The following PRKCQ variants were observed in gnomAD, a reference collection of about 807,000 sequenced individuals.
PRKCQ encodes the protein protein kinase C theta.
In PRKCQ, 41 loss-of-function variants were observed where a neutral mutation model predicts 91.2. The observed-to-expected ratio is 0.45, with a 90% CI of 0.35 to 0.58. PRKCQ has a LOEUF of 0.58. Among genes scored for constraint, PRKCQ ranks in the 20% least tolerant of loss-of-function variants. The probability of loss-of-function intolerance (pLI) is 0.00; values close to 1 mark genes in which losing one functional copy is unlikely to be tolerated. For missense variants in PRKCQ, 673 were observed against 896.5 expected, an observed-to-expected ratio of 0.75 and a Z score of 3.18; for synonymous variants, 307 against 316.9, an observed-to-expected ratio of 0.97 and a Z score of 0.33.
intron 1 of PRKCQ, among the ~76,000 whole-genome samples, chr10:6,577,044 T>C (rs1588442799): frequency 6.6e-6 from 1 of 152,170 alleles, no homozygotes; most frequent in Non-Finnish European, 1.5e-5. Context: ...GTTTTGTTGA[T>C]GCTGATTATT....
chr10:6,530,935 AGTTACT>A (rs1421895731), intron 1 of PRKCQ, among the ~76,000 whole-genome samples: 1 of 152,160 alleles, frequency 6.6e-6, no homozygotes, highest in African/African-American at 2.4e-5. Flanking sequence ...GACGTTTCAG[AGTTACT>A]GTAGGCTGAG....
chr10:6,485,078 A>G, intron 10 of PRKCQ, 74 bp downstream of exon 10: 1 of 1,332,296 alleles, frequency 7.5e-7, no homozygotes, highest in Non-Finnish European at 1.1e-6. Flanking sequence ...GATAACTTAA[A>G]TCCAAGGGCA....
At chr10:6,413,258 A>T in the PRKCQ span, among the ~76,000 whole-genome samples, 1 of 152,180 alleles carries the variant, frequency 6.6e-6, no homozygotes, top group African/African-American at 2.4e-5. Context: ...GGCCTTAAAC[A>T]TCACAATTTT....
At chr10:6,394,369 T>C in the PRKCQ span, among the ~76,000 whole-genome samples, 1 of 152,252 alleles carries the variant, frequency 6.6e-6, no homozygotes, top group Non-Finnish European at 1.5e-5. Context: ...GGTCAGGTTC[T>C]TGAACTAGGT....
intron 1 of PRKCQ, among the ~76,000 whole-genome samples, chr10:6,574,301 G>T (rs1216865433): frequency 1.3e-5 from 2 of 152,182 alleles, no homozygotes; most frequent in African/African-American, 4.8e-5. Context: ...GAACCTGAAT[G>T]GCACTTGTAT....
chr10:6,544,984 GTT>G (rs35126400), intron 1 of PRKCQ, among the ~76,000 whole-genome samples: 306 of 144,638 alleles, frequency 2.1e-3, no homozygotes, highest in Middle Eastern at 0.011. Context: ...TTTCCTTTCT[GTT>G]TTTTTTTTTT....
chr10:6,542,793 G>A (rs962057449), intron 1 of PRKCQ, among the ~76,000 whole-genome samples: 1 of 152,138 alleles, frequency 6.6e-6, no homozygotes, highest in African/African-American at 2.4e-5. Flanking sequence ...TAAAAAGAAC[G>A]AAGGTGATAA....
At position 6,522,494 on chromosome 10, in the gene PRKCQ, T is replaced by C. The variant is rs542204859; in HGVS notation, c.-9-7350A>G. ...ACAATTCAAACTCCCAGAATGCGTT[T>C]ATAGAGATGCTGAGGATGTCCACAT... On this transcript the variant is annotated intron_variant, in intron 1 of 17. Transcript: ENST00000263125. 8.7e-4 allele frequency among the ~76,000 whole-genome samples: 133 copies of C among 152,298 alleles called. 1 individual carries two copies. Among genetic ancestry groups the C allele is most frequent in the African/African-American group, 3.0e-3 (125 of 41,550 alleles).
the PRKCQ span, among the ~76,000 whole-genome samples, chr10:6,397,115 T>G: frequency 6.6e-6 from 1 of 152,228 alleles, no homozygotes. Flanking sequence ...TGCCTGTTTT[T>G]TTTTTGAGTC....
chr10:6,409,115 T>A, the PRKCQ span, among the ~76,000 whole-genome samples: 5 of 152,200 alleles, frequency 3.3e-5, no homozygotes, highest in East Asian at 9.6e-4. Context: ...GAAAGGAAAT[T>A]AGTGTTTTAA....
intron 4 of PRKCQ, among the ~76,000 whole-genome samples, chr10:6,500,285 A>G (rs1247284963): frequency 6.6e-6 from 1 of 152,160 alleles, no homozygotes; most frequent in Non-Finnish European, 1.5e-5. Flanking sequence ...TAAAATAAAA[A>G]TAAGTATAAA....
chr10:6,553,504 A>ATAAT (rs58093492), intron 1 of PRKCQ, among the ~76,000 whole-genome samples: 1 of 145,420 alleles, frequency 6.9e-6, no homozygotes, highest in Admixed American at 6.9e-5. Flanking sequence ...AAAAAAAAAA[A>ATAAT]AAAAAAAAAA....
At chr10:6,519,724 T>C (rs1838919935) in intron 1 of PRKCQ, among the ~76,000 whole-genome samples, 1 of 152,224 alleles carries the variant, frequency 6.6e-6, no homozygotes, top group Non-Finnish European at 1.5e-5. Context: ...CTAATTTTAA[T>C]GCTACAACTG....
intron 14 of PRKCQ, among the ~76,000 whole-genome samples, chr10:6,459,483 A>T (rs4750495): frequency 0.2 from 30,329 of 152,202 alleles, 3,865 homozygotes; most frequent in Non-Finnish European, 0.27. Flanking sequence ...CCCCCAGAAG[A>T]TATGTCCAGG....
the PRKCQ span, among the ~76,000 whole-genome samples, chr10:6,408,258 A>G: frequency 6.6e-6 from 1 of 152,054 alleles, no homozygotes; most frequent in African/African-American, 2.4e-5. Flanking sequence ...GTACTTTGAC[A>G]TATTATTCTG....
chr10:6,456,347 C>T (rs1835002407), intron 15 of PRKCQ, among the ~76,000 whole-genome samples: 1 of 152,194 alleles, frequency 6.6e-6, no homozygotes, highest in Non-Finnish European at 1.5e-5. Context: ...AGTTTCACCA[C>T]TTGACTTGGG....
At chr10:6,520,843 C>A (rs1052914668) in intron 1 of PRKCQ, among the ~76,000 whole-genome samples, 4 of 152,164 alleles carry the variant, frequency 2.6e-5, no homozygotes, top group African/African-American at 9.7e-5. Context: ...TATAGAGCCC[C>A]ACCAGGATGT....
intron 15 of PRKCQ, among the ~76,000 whole-genome samples, chr10:6,453,264 T>C (rs1588681981): frequency 6.6e-6 from 1 of 152,140 alleles, no homozygotes; most frequent in African/African-American, 2.4e-5. Flanking sequence ...GCGAAGGATA[T>C]GAACAGACAC....
At chr10:6,517,893 G>T (rs1316867327) in intron 1 of PRKCQ, among the ~76,000 whole-genome samples, 1 of 152,044 alleles carries the variant, frequency 6.6e-6, no homozygotes, top group Non-Finnish European at 1.5e-5. Flanking sequence ...AAGCTATACA[G>T]GATACAAAAA....
Sources: gnomAD v4.1 joint callset for allele counts (sites outside exome capture counted in the v4.1 genomes callset) on GRCh38, gnomAD v4.1.1 for gene constraint, MANE v1.5 for transcripts, NCBI Gene and HGNC (gene_info 2026-07-23, HGNC 2026-07-21) for gene names.